The following ELP4 variants were observed in gnomAD, a reference collection of about 807,000 sequenced individuals.
ELP4 encodes the protein elongator complex protein 4.
In ELP4, 51 loss-of-function variants were observed where a neutral mutation model predicts 48.9. That is an observed-to-expected ratio of 1.04 (90% confidence interval 0.83 to 1.32). The LOEUF is 1.32. Ranked by LOEUF, ELP4 falls within the 40% of genes most tolerant of loss-of-function variation. The pLI is 0.00. For missense variants in ELP4, 519 were observed against 514.6 expected (o/e 1.01, Z -0.08); for synonymous variants, 210 against 189.2 (o/e 1.11, Z -0.90).
intron 9 of ELP4, among the ~76,000 whole-genome samples, chr11:31,710,101 A>G (rs1169797471): frequency 1.3e-5 from 2 of 152,138 alleles, no homozygotes; most frequent in Non-Finnish European, 2.9e-5. Context: ...CATTCTTTGC[A>G]TCTCCAGCAC....
chr11:31,740,039 CT>C (rs1947411057), intron 9 of ELP4, among the ~76,000 whole-genome samples: 1 of 152,178 alleles, frequency 6.6e-6, no homozygotes, highest in African/African-American at 2.4e-5. Context: ...CCAAGAGAAG[CT>C]TTAAGAAAGG....
chr11:31,695,107 G>A (rs2134146073), intron 9 of ELP4, among the ~76,000 whole-genome samples: 1 of 152,242 alleles, frequency 6.6e-6, no homozygotes, highest in East Asian at 1.9e-4. Flanking sequence ...TGCAAACAGG[G>A]ACAATTGGAC....
At chr11:31,563,980 A>G (rs890494429) in intron 3 of ELP4, among the ~76,000 whole-genome samples, 1 of 152,216 alleles carries the variant, frequency 6.6e-6, no homozygotes, top group East Asian at 1.9e-4. Flanking sequence ...TTTTATGCCT[A>G]GCATTTTCTT....
chr11:31,723,216 G>A lies in ELP4; in HGVS notation c.1144-60177G>A, dbSNP rs185254460. 3.9e-5 allele frequency among the ~76,000 whole-genome samples: 6 copies of A among 152,230 alleles called. No homozygotes were observed. The East Asian group carries it at 9.7e-4, about 25-fold the overall frequency. On this transcript the variant is annotated intron_variant, in intron 9 of 9. Coordinates refer to ENST00000640961, the MANE Select transcript of ELP4 (RefSeq NM_019040.5). ...GCAATAGCAGTCACTAGTCACTAAG[G>A]AAGGAGAAAGGAGGCTGGGAATCCT...
chr11:31,658,545 G>C (rs1362120576), intron 9 of ELP4, among the ~76,000 whole-genome samples: 1 of 151,654 alleles, frequency 6.6e-6, no homozygotes, highest in Non-Finnish European at 1.5e-5. Flanking sequence ...AGAAAGTATT[G>C]TATACAAAGA....
chr11:31,778,277 G>A (rs564976575), intron 9 of ELP4, among the ~76,000 whole-genome samples: 1 of 152,342 alleles, frequency 6.6e-6, no homozygotes, highest in Admixed American at 6.5e-5. Context: ...ATGAGGGAAA[G>A]TATTTAGACT....
intron 9 of ELP4, among the ~76,000 whole-genome samples, chr11:31,731,486 A>T (rs1162333140): frequency 6.6e-6 from 1 of 152,054 alleles, no homozygotes; most frequent in African/African-American, 2.4e-5. Context: ...AAGACAGATC[A>T]TTTGAAATTA....
At chr11:31,697,941 A>G (rs1370197353) in intron 9 of ELP4, among the ~76,000 whole-genome samples, 2 of 142,598 alleles carry the variant, frequency 1.4e-5, no homozygotes, top group African/African-American at 4.9e-5. Flanking sequence ...TGCTTCTACT[A>G]CATATCAGAA....
intron 5 of ELP4, among the ~76,000 whole-genome samples, chr11:31,625,136 G>C (rs550081359): frequency 6.6e-6 from 1 of 151,242 alleles, no homozygotes; most frequent in South Asian, 2.1e-4. Flanking sequence ...ATAATTATAT[G>C]TGCTGTACTT....
chr11:31,718,783 GC>G (rs1258377019), intron 9 of ELP4, among the ~76,000 whole-genome samples: 1 of 152,150 alleles, frequency 6.6e-6, no homozygotes, highest in African/African-American at 2.4e-5. Context: ...AAGATGCATT[GC>G]CTTTAATGAC....
At chr11:31,697,842 G>A (rs1050331217) in intron 9 of ELP4, among the ~76,000 whole-genome samples, 3 of 152,008 alleles carry the variant, frequency 2.0e-5, no homozygotes, top group African/African-American at 4.8e-5. Flanking sequence ...TGAATAGGAT[G>A]TAAGAGATGA....
chr11:31,587,886 AT>A (rs541382749), intron 3 of ELP4, among the ~76,000 whole-genome samples: 65 of 152,182 alleles, frequency 4.3e-4, no homozygotes, highest in African/African-American at 7.2e-4. Flanking sequence ...TAACAAAATT[AT>A]TTTTTTATTC....
chr11:31,510,588 T>G, intron 1 of ELP4: 1 of 393,466 alleles, frequency 2.5e-6, no homozygotes, highest in Non-Finnish European at 4.5e-6. Flanking sequence ...TCGTTGATAT[T>G]TAGATAGTGT....
chr11:31,518,390 G>A (rs1956156765), intron 1 of ELP4, among the ~76,000 whole-genome samples: 1 of 151,856 alleles, frequency 6.6e-6, no homozygotes, highest in African/African-American at 2.4e-5. Context: ...ACAGGCGTGT[G>A]CAACTGCACC....
chr11:31,673,505 T>A (rs1945853645), intron 9 of ELP4, among the ~76,000 whole-genome samples: 1 of 152,088 alleles, frequency 6.6e-6, no homozygotes, highest in Non-Finnish European at 1.5e-5. Flanking sequence ...CTAATTTTAT[T>A]TTTTGTAGAG....
In ELP4 at chr11:31,749,561, T is replaced by A. The variant is rs1947671354; in HGVS notation, c.1144-33832T>A. Among the ~76,000 whole-genome samples the A allele has an allele frequency of 2.6e-5, 4 of 152,208 alleles. No individual in the cohort carries two copies. In the South Asian group the frequency reaches 8.3e-4, roughly 32 times the overall value. Reference sequence around the variant, plus strand: ...AGTGATTTCTAATTTTAACCAATGATCTTTAAAACATCGATTATTTAACTT... The same window carrying A: ...AGTGATTTCTAATTTTAACCAATGAACTTTAAAACATCGATTATTTAACTT... On this transcript the variant is annotated intron_variant, in intron 9 of 9. Transcript: ENST00000640961.
At position 31,678,390 on chromosome 11, in the gene ELP4, A is replaced by G. The variant is rs150199058; in HGVS notation, c.1143+28169A>G. ...CTTGAGCCTAAAAGGTCAAGGTTGC[A>G]GAGAACCGTGGTCGCACACCACTGC... On this transcript the variant is annotated intron_variant, in intron 9 of 9. Coordinates refer to ENST00000640961, the MANE Select transcript of ELP4 (RefSeq NM_019040.5). Among the ~76,000 whole-genome samples the G allele has an allele frequency of 1.5e-4, 23 of 152,294 alleles. 1 individual carries two copies. In the East Asian group the frequency reaches 3.1e-3, roughly 20 times the overall value.
At chr11:31,568,308 G>A (rs1310844506) in intron 3 of ELP4, among the ~76,000 whole-genome samples, 1 of 152,086 alleles carries the variant, frequency 6.6e-6, no homozygotes, top group Non-Finnish European at 1.5e-5. Flanking sequence ...AAATGAAAAA[G>A]TCTTCCTTGC....
chr11:31,752,908 ACAGAATTCAACAAGGTTGC>A (rs1029480694), intron 9 of ELP4, among the ~76,000 whole-genome samples: 3 of 152,130 alleles, frequency 2.0e-5, no homozygotes, highest in African/African-American at 7.2e-5. Context: ...GAATCTGCAA[ACAGAATTCAACAAGGTTGC>A]CAGATTCAGG....
Sources: gnomAD v4.1 joint callset for allele counts (sites outside exome capture counted in the v4.1 genomes callset) on GRCh38, gnomAD v4.1.1 for gene constraint, MANE v1.5 for transcripts, NCBI Gene and HGNC (gene_info 2026-07-23, HGNC 2026-07-21) for gene names.